The following GATAD2A variants were observed in gnomAD, a reference collection of about 807,000 sequenced individuals.
GATAD2A encodes the protein transcriptional repressor p66-alpha.
In GATAD2A, 12 loss-of-function variants were observed where a neutral mutation model predicts 68.5. That is an observed-to-expected ratio of 0.18 (90% CI 0.11 to 0.28). GATAD2A has a LOEUF of 0.28. Among genes scored for constraint, GATAD2A ranks in the 10% least tolerant of loss-of-function variants. The probability of loss-of-function intolerance (pLI) is 1.00; values close to 1 mark genes in which losing one functional copy is unlikely to be tolerated. For missense variants in GATAD2A, 755 were observed against 868.5 expected (o/e 0.87, Z 1.64); for synonymous variants, 410 against 375.3 (o/e 1.09, Z -1.07).
chr19:19,501,045 TG>T, intron 8 of GATAD2A, 72 bp from the exon 9 acceptor site: 1 of 1,375,136 alleles, frequency 7.3e-7, no homozygotes, highest in Non-Finnish European at 1.0e-6. Flanking sequence ...TCCAGCATCC[TG>T]GGCTGGGGGC....
chr19:19,425,965 T>G (rs1301260064), intron 1 of GATAD2A, among the ~76,000 whole-genome samples: 2 of 152,058 alleles, frequency 1.3e-5, no homozygotes, highest in Non-Finnish European at 2.9e-5. Flanking sequence ...TTTTTGTATT[T>G]TTTGTAGGGA....
chr19:19,439,860 A>C (rs1161114714), intron 1 of GATAD2A, among the ~76,000 whole-genome samples: 1 of 152,118 alleles, frequency 6.6e-6, no homozygotes, highest in Non-Finnish European at 1.5e-5. Flanking sequence ...AAAACAAACA[A>C]ACAAAAAACA....
intron 1 of GATAD2A, chr19:19,427,626 A>C (rs1026235849): frequency 6.5e-6 from 1 of 152,770 alleles, no homozygotes; most frequent in Non-Finnish European, 1.5e-5. Flanking sequence ...GGAACATCTG[A>C]GGTCTCTGTT....
rs1331329136 is a variant in GATAD2A, at chr19:19,506,886, C to G, written c.*1412C>G. 1 of 152,108 alleles carries G rather than the reference C, an allele frequency of 6.6e-6. No homozygotes were observed. The highest frequency in any genetic ancestry group is 2.4e-5 in the African/African-American group (1 of 41,414). The allele number at this position is 152,108 out of a possible 1,614,324, so 9.4% of individuals were successfully genotyped here. A position where few individuals can be genotyped will look rare whatever the true frequency, so the allele number is the denominator to read the frequency against. On this transcript the variant is annotated 3_prime_UTR_variant, in exon 12 of 12. Coordinates refer to ENST00000683918, the MANE Select transcript of GATAD2A (RefSeq NM_001384528.1). Reference sequence around the variant, plus strand: ...TCCAGCCCTGGTTTTCCTACCCATGCAGTTAGGGACTTTAATTTAATTTTT... The same window carrying G: ...TCCAGCCCTGGTTTTCCTACCCATGGAGTTAGGGACTTTAATTTAATTTTT...
chr19:19,469,434 A>AAAAAAAAAAAG (rs1420715683), intron 2 of GATAD2A, among the ~76,000 whole-genome samples: 3 of 151,902 alleles, frequency 2.0e-5, no homozygotes, highest in South Asian at 2.1e-4. Context: ...TCCATCTCAA[A>AAAAAAAAAAAG]AAAAAAGAAA....
Position 19,495,793 on chromosome 19 carries a change from C to T in GATAD2A, c.664C>T (p.Pro222Ser), listed in dbSNP as rs1184516315. Residue 222 changes from proline to serine, a missense_variant, in exon 6 of 12, where the codon CCC (proline) becomes TCC (serine). Physicochemically the swap from Pro to Ser is moderately conservative, Grantham distance 74. Transcript: ENST00000683918. ...ARMPGSVIPP[P>S]LVRGGQQASS... ...GATGCCCGGCAGTGTCATACCCCCG[C>T]CCCTGGTCCGAGGTGGGCAGCAGGC... 1.9e-6 allele frequency: 3 copies of T among 1,613,666 alleles called. No homozygotes were observed. In the Admixed American group the frequency reaches 5.0e-5, roughly 27 times the overall value.
chr19:19,398,775 A>G (rs2049466238), intron 1 of GATAD2A, among the ~76,000 whole-genome samples: 1 of 145,920 alleles, frequency 6.9e-6, no homozygotes, highest in Non-Finnish European at 1.5e-5. Context: ...AAATACAAAA[A>G]TTAGGCCAGG....
intron 1 of GATAD2A, among the ~76,000 whole-genome samples, chr19:19,391,541 A>T (rs775759797): frequency 6.6e-6 from 1 of 152,232 alleles, no homozygotes; most frequent in Non-Finnish European, 1.5e-5. Flanking sequence ...TCCCCTTTAA[A>T]ATTATGCTAT....
chr19:19,498,464 G>T lies in GATAD2A; in HGVS notation c.946G>T (p.Gly316Trp). Reference protein sequence around the residue: ...IPQPTPASLKGTTATSAQANS... With the variant: ...IPQPTPASLKWTTATSAQANS... ...AAAGCCCACCCCAGCATCACTGAAG[G>T]GGACAACAGCCACCTCCGCTCAGGC... Residue 316 changes from glycine to tryptophan, a missense_variant, in exon 8 of 12, where the codon GGG becomes TGG. Transcript: ENST00000683918. 1.9e-6 allele frequency: 3 copies of T among 1,606,200 alleles called. No homozygotes were observed. The highest frequency in any genetic ancestry group is 2.6e-6 in the Non-Finnish European group (3 of 1,173,388).
intron 2 of GATAD2A, among the ~76,000 whole-genome samples, chr19:19,469,620 A>G (rs1160655041): frequency 2.0e-5 from 3 of 152,158 alleles, no homozygotes; most frequent in Admixed American, 6.6e-5. Context: ...AAATACCTCA[A>G]TCAAAAGGCA....
chr19:19,410,519 G>A (rs77943760), intron 1 of GATAD2A, among the ~76,000 whole-genome samples: 1,544 of 152,314 alleles, frequency 0.01, 8 homozygotes, highest in South Asian at 0.022. Flanking sequence ...CTGCAGTTCC[G>A]TCTCAGGACC....
intron 1 of GATAD2A, among the ~76,000 whole-genome samples, chr19:19,433,004 C>G (rs1209000763): frequency 6.6e-6 from 1 of 152,198 alleles, no homozygotes; most frequent in Non-Finnish European, 1.5e-5. Context: ...TCCTGAGTGA[C>G]TGGGTGGTGG....
intron 1 of GATAD2A, among the ~76,000 whole-genome samples, chr19:19,460,110 C>A (rs748689392): frequency 3.9e-5 from 6 of 152,212 alleles, no homozygotes; most frequent in African/African-American, 1.4e-4. Flanking sequence ...CTATTCTCTC[C>A]TTACCCCCTC....
chr19:19,455,908 T>G (rs189338623), intron 1 of GATAD2A, among the ~76,000 whole-genome samples: 18 of 152,294 alleles, frequency 1.2e-4, no homozygotes, highest in East Asian at 7.7e-4. Context: ...CCCAGCACTT[T>G]GGGAGGCTGA....
chr19:19,409,009 G>A (rs949772226), intron 1 of GATAD2A, among the ~76,000 whole-genome samples: 1 of 134,294 alleles, frequency 7.4e-6, no homozygotes, highest in East Asian at 2.3e-4. Flanking sequence ...TTCTTGAAAT[G>A]TTGGCTTTTT....
chr19:19,417,944 C>A (rs949636232), intron 1 of GATAD2A, among the ~76,000 whole-genome samples: 3 of 152,110 alleles, frequency 2.0e-5, no homozygotes, highest in Middle Eastern at 3.2e-3. Flanking sequence ...TTCCTGCCTT[C>A]CGGGGTCTTA....
At chr19:19,422,024 T>C (rs2052483209) in intron 1 of GATAD2A, among the ~76,000 whole-genome samples, 3 of 152,156 alleles carry the variant, frequency 2.0e-5, no homozygotes, top group Admixed American at 6.5e-5. Context: ...GGTTTCACCA[T>C]GTTGGCTAGG....
chr19:19,503,963 T>C (rs1197637817), intron 11 of GATAD2A, among the ~76,000 whole-genome samples: 1 of 152,168 alleles, frequency 6.6e-6, no homozygotes, highest in African/African-American at 2.4e-5. Context: ...TCCCAGCACT[T>C]TGTGAGGCCG....
At chr19:19,392,079 CTTTTTTTT>C (rs753791949) in intron 1 of GATAD2A, among the ~76,000 whole-genome samples, 1 of 107,066 alleles carries the variant, frequency 9.3e-6, no homozygotes, top group Non-Finnish European at 1.8e-5. Context: ...AGAGTTTTTC[CTTTTTTTT>C]TTTTTTTTTT....
Sources: gnomAD v4.1 joint callset for allele counts (sites outside exome capture counted in the v4.1 genomes callset) on GRCh38, gnomAD v4.1.1 for gene constraint, MANE v1.5 for transcripts, NCBI Gene and HGNC (gene_info 2026-07-23, HGNC 2026-07-21) for gene names.